Variants in NOL4 observed in about 807,000 individuals in gnomAD.
NOL4 encodes nucleolar protein 4.
In NOL4, 17 loss-of-function variants were observed where a neutral mutation model predicts 75.9. That is an observed-to-expected ratio of 0.22 (90% CI 0.15 to 0.34). NOL4 has a LOEUF of 0.34. NOL4 is among the 10% of genes least tolerant of loss of function. NOL4 has a pLI of 1.00. For synonymous variants in NOL4, 292 were observed against 289.9 expected, an observed-to-expected ratio of 1.01 and a Z score of -0.07; for missense variants, 614 against 793.5, an observed-to-expected ratio of 0.77 and a Z score of 2.72.
intron 1 of NOL4, among the ~76,000 whole-genome samples, chr18:34,195,687 G>C (rs1237112050): frequency 1.3e-5 from 2 of 149,948 alleles, no homozygotes; most frequent in Non-Finnish European, 3.0e-5. Flanking sequence ...TGCCAAATAA[G>C]CTTCTTGTGG....
chr18:34,053,468 C>T (rs1174585017), intron 5 of NOL4, among the ~76,000 whole-genome samples: 1 of 151,908 alleles, frequency 6.6e-6, no homozygotes, highest in African/African-American at 2.4e-5. Context: ...GAGAAAAAAG[C>T]TTATTATAAG....
chr18:34,014,289 G>T (rs1212912923), intron 6 of NOL4, among the ~76,000 whole-genome samples: 1 of 151,818 alleles, frequency 6.6e-6, no homozygotes, highest in Non-Finnish European at 1.5e-5. Context: ...TGAAGATTTA[G>T]GGGTCTTGGG....
chr18:34,030,478 G>A lies in NOL4; in HGVS notation c.773-10877C>T, dbSNP rs75816536. Among the ~76,000 whole-genome samples the A allele has an allele frequency of 6.5e-4, 99 of 152,224 alleles. No individual in the cohort carries two copies. The East Asian group carries it at 0.018, about 28-fold the overall frequency. On this transcript the variant is annotated intron_variant, in intron 5 of 10. Coordinates refer to ENST00000261592, the MANE Select transcript of NOL4 (RefSeq NM_003787.5). ...GAAGAAAGGAAGGAAAGGAGGAAGG[G>A]ACAAAGGAAAAGGGATATAGGCATA...
chr18:34,068,039 G>GA (rs1042087453), intron 5 of NOL4, among the ~76,000 whole-genome samples: 4 of 152,098 alleles, frequency 2.6e-5, no homozygotes, highest in African/African-American at 7.2e-5. Flanking sequence ...GGAGAAATGA[G>GA]AAAAAATTAA....
chr18:34,170,539 T>C (rs983493203), intron 1 of NOL4, among the ~76,000 whole-genome samples: 4 of 152,176 alleles, frequency 2.6e-5, no homozygotes, highest in Non-Finnish European at 5.9e-5. Context: ...TTCATAATTG[T>C]TTTGAACTGA....
At chr18:33,857,355 C>T (rs1287804032) in intron 10 of NOL4, among the ~76,000 whole-genome samples, 1 of 151,968 alleles carries the variant, frequency 6.6e-6, no homozygotes, top group Non-Finnish European at 1.5e-5. Context: ...GGACAAGAAG[C>T]TTATAAGCAG....
At chr18:34,046,717 T>A (rs2076398118) in intron 5 of NOL4, among the ~76,000 whole-genome samples, 1 of 149,842 alleles carries the variant, frequency 6.7e-6, no homozygotes, top group South Asian at 2.1e-4. Context: ...CTAGTCCTAT[T>A]TTGTTAATTC....
intron 2 of NOL4, among the ~76,000 whole-genome samples, chr18:34,117,359 T>C (rs903639460): frequency 6.6e-6 from 1 of 152,184 alleles, no homozygotes; most frequent in Non-Finnish European, 1.5e-5. Flanking sequence ...CTCCTAGTTA[T>C]CAGTATTGAA....
intron 9 of NOL4, among the ~76,000 whole-genome samples, chr18:33,900,142 G>A (rs1342897576): frequency 1.3e-5 from 2 of 152,086 alleles, no homozygotes; most frequent in Non-Finnish European, 2.9e-5. Context: ...GCTGGCTTCT[G>A]GAAAGCTTCT....
intron 2 of NOL4, among the ~76,000 whole-genome samples, chr18:34,127,494 T>C (rs2080441172): frequency 6.6e-6 from 1 of 151,936 alleles, no homozygotes; most frequent in Admixed American, 6.6e-5. Context: ...TTAAACTTAA[T>C]GGGAACCATT....
At chr18:33,900,223 C>A (rs923189247) in intron 9 of NOL4, among the ~76,000 whole-genome samples, 9 of 152,050 alleles carry the variant, frequency 5.9e-5, no homozygotes, top group African/African-American at 1.9e-4. Flanking sequence ...GTGAGAGAGA[C>A]AGGAGGAGGT....
At chr18:34,050,808 T>C (rs1304402666) in intron 5 of NOL4, among the ~76,000 whole-genome samples, 2 of 152,120 alleles carry the variant, frequency 1.3e-5, no homozygotes, top group African/African-American at 4.8e-5. Context: ...AAACAAGTTT[T>C]AAATATAAAC....
intron 5 of NOL4, among the ~76,000 whole-genome samples, chr18:34,091,288 G>A (rs542771463): frequency 4.0e-4 from 61 of 152,000 alleles, no homozygotes; most frequent in African/African-American, 1.2e-3. Context: ...GCTTGAACCC[G>A]GGAGGCAGAG....
intron 1 of NOL4, among the ~76,000 whole-genome samples, chr18:34,217,657 A>G (rs1346622849): frequency 6.6e-6 from 1 of 151,426 alleles, no homozygotes. Flanking sequence ...TTACATCGTG[A>G]TTTTCATGTT....
At chr18:33,940,589 C>T (rs1333033065) in intron 9 of NOL4, among the ~76,000 whole-genome samples, 1 of 151,838 alleles carries the variant, frequency 6.6e-6, no homozygotes, top group African/African-American at 2.4e-5. Context: ...AGGAGAAATA[C>T]CTAATGTAGA....
chr18:34,125,073 A>T (rs868544742), intron 2 of NOL4, among the ~76,000 whole-genome samples: 15 of 152,280 alleles, frequency 9.9e-5, no homozygotes, highest in African/African-American at 3.6e-4. Context: ...GGTATCAATG[A>T]CTGCTGGCAG....
chr18:33,885,080 A>T (rs1422736015), intron 9 of NOL4, among the ~76,000 whole-genome samples: 1 of 152,154 alleles, frequency 6.6e-6, no homozygotes, highest in Non-Finnish European at 1.5e-5. Context: ...AAAATAAGAA[A>T]AAAATTGAAA....
intron 1 of NOL4, among the ~76,000 whole-genome samples, chr18:34,135,449 T>C (rs2080847870): frequency 6.6e-6 from 1 of 151,932 alleles, no homozygotes; most frequent in African/African-American, 2.4e-5. Flanking sequence ...CTGTAATCCC[T>C]GCTCTTTGGA....
At chr18:34,045,602 T>C (rs1203625554) in intron 5 of NOL4, among the ~76,000 whole-genome samples, 1 of 152,178 alleles carries the variant, frequency 6.6e-6, no homozygotes, top group Non-Finnish European at 1.5e-5. Context: ...TTTGCTTACA[T>C]GCAACTTTAA....
Sources: allele counts gnomAD v4.1 joint callset (sites outside exome capture counted in the v4.1 genomes callset), GRCh38; gene constraint gnomAD v4.1.1; transcripts MANE v1.5; gene names NCBI Gene and HGNC (gene_info 2026-07-23, HGNC 2026-07-21).